The following DACH1 variants were observed in gnomAD, a reference collection of about 807,000 sequenced individuals.
The protein encoded by DACH1 is dachshund family transcription factor 1, also known as dachshund homolog 1.
In DACH1, 12 loss-of-function variants were observed where a neutral mutation model predicts 54.2. The observed-to-expected ratio is 0.22, with a 90% CI of 0.14 to 0.36. The LOEUF (loss-of-function observed/expected upper bound fraction) is 0.36, where lower values mean the gene tolerates loss of function less well. Among genes scored for constraint, DACH1 ranks in the 10% least tolerant of loss-of-function variants. The probability of loss-of-function intolerance (pLI) is 1.00; values close to 1 mark genes in which losing one functional copy is unlikely to be tolerated. For missense variants in DACH1, 805 were observed against 929.8 expected (o/e 0.87, Z 1.75); for synonymous variants, 386 against 366.2 (o/e 1.05, Z -0.62).
intron 6 of DACH1, among the ~76,000 whole-genome samples, chr13:71,499,107 A>ACG (rs757911119): frequency 2.4e-4 from 28 of 115,900 alleles, no homozygotes; most frequent in East Asian, 1.1e-3. Context: ...ACATGCGAGC[A>ACG]CGCGCACACA....
chr13:71,470,751 G>C (rs538480100), intron 10 of DACH1, among the ~76,000 whole-genome samples: 26 of 152,228 alleles, frequency 1.7e-4, no homozygotes, highest in East Asian at 3.9e-4. Flanking sequence ...CTAATTCCTC[G>C]ATGGCTGATT....
rs537213237 is a variant in DACH1, at chr13:71,849,661, C to G, written c.848+16261G>C. Among the ~76,000 whole-genome samples the G allele has an allele frequency of 9.6e-4, 146 of 152,170 alleles. 1 individual carries two copies. The highest frequency in any genetic ancestry group is 1.4e-3 in the Non-Finnish European group (95 of 68,006). On this transcript the variant is annotated intron_variant, in intron 1 of 10. Coordinates refer to ENST00000613252, the MANE Select transcript of DACH1 (RefSeq NM_080759.6). Reference sequence around the variant, plus strand: ...ATTTCCCCCCCATCTATGGATCTACCAAATAGTAATAGCTAGACACTAAGA... The same window carrying G: ...ATTTCCCCCCCATCTATGGATCTACGAAATAGTAATAGCTAGACACTAAGA...
chr13:71,793,162 C>A (rs1886904501), intron 1 of DACH1, among the ~76,000 whole-genome samples: 1 of 152,074 alleles, frequency 6.6e-6, no homozygotes. Context: ...TATAGTTAAG[C>A]AGAAATTGTG....
chr13:71,865,510 C>A (rs1335936863), intron 1 of DACH1, among the ~76,000 whole-genome samples: 1 of 152,110 alleles, frequency 6.6e-6, no homozygotes, highest in African/African-American at 2.4e-5. Flanking sequence ...GGCCGTGGAA[C>A]CCAGGTCCTG....
At chr13:71,627,870 G>T (rs1876777187) in intron 3 of DACH1, among the ~76,000 whole-genome samples, 1 of 152,058 alleles carries the variant, frequency 6.6e-6, no homozygotes, top group South Asian at 2.1e-4. Context: ...AAAGCAGGTG[G>T]AAGCAGTTGA....
At chr13:71,853,890 T>C (rs1873830792) in intron 1 of DACH1, among the ~76,000 whole-genome samples, 1 of 152,164 alleles carries the variant, frequency 6.6e-6, no homozygotes, top group Non-Finnish European at 1.5e-5. Context: ...TTGAAGTTAT[T>C]ATCGGCCCAA....
At chr13:71,445,522 A>G (rs1874374564) in intron 10 of DACH1, among the ~76,000 whole-genome samples, 1 of 152,206 alleles carries the variant, frequency 6.6e-6, no homozygotes, top group Admixed American at 6.5e-5. Context: ...CACCTGTCAC[A>G]TTCAGGTAGT....
chr13:71,773,492 G>A (rs117322502), intron 1 of DACH1, among the ~76,000 whole-genome samples: 1 of 151,970 alleles, frequency 6.6e-6, no homozygotes, highest in Non-Finnish European at 1.5e-5. Context: ...GAAATGTTTG[G>A]TAATTGTAAA....
At chr13:71,515,975 A>G (rs1464325667) in intron 6 of DACH1, among the ~76,000 whole-genome samples, 8 of 151,876 alleles carry the variant, frequency 5.3e-5, no homozygotes, top group Admixed American at 6.6e-5. Flanking sequence ...CTGCCCTCCA[A>G]CTTAAGAAAG....
intron 1 of DACH1, among the ~76,000 whole-genome samples, chr13:71,858,843 A>G (rs1166256780): frequency 2.5e-4 from 38 of 151,734 alleles, no homozygotes; most frequent in South Asian, 2.1e-4. Flanking sequence ...TGTACGGTAC[A>G]TTATTATAGA....
In DACH1 at chr13:71,816,640, ATGTGTGTATATATATACACGTG is replaced by A. The variant is rs1566519470; in HGVS notation, c.848+49260_848+49281del. ...TACACGTGTATATATACACACACAT[ATGTGTGTATATATATACACGTG>A]TATATATATACACACATATATATAT... On this transcript the variant is annotated intron_variant, in intron 1 of 10. Transcript: ENST00000613252. Among the ~76,000 whole-genome samples the A allele has an allele frequency of 3.6e-3, 92 of 25,394 alleles. No individual in the cohort carries two copies. The East Asian group carries it at 0.053, about 15-fold the overall frequency. The allele number at this position is 25,394 out of a possible 152,430, so 16.7% of individuals were successfully genotyped here. A position where few individuals can be genotyped will look rare whatever the true frequency, so the allele number is the denominator to read the frequency against.
At chr13:71,831,631 G>A (rs540472172) in intron 1 of DACH1, among the ~76,000 whole-genome samples, 159 of 151,960 alleles carry the variant, frequency 1.0e-3, no homozygotes, top group Middle Eastern at 3.4e-3. Flanking sequence ...ACAAAATCAT[G>A]ATTAATTTTC....
intron 3 of DACH1, among the ~76,000 whole-genome samples, chr13:71,587,637 T>C (rs1873379536): frequency 6.6e-6 from 1 of 152,108 alleles, no homozygotes; most frequent in Non-Finnish European, 1.5e-5. Context: ...TACCAAATCA[T>C]GTTTTACTCT....
At chr13:71,735,362 CGTATACGGGATATACGT>C (rs1378647945) in intron 1 of DACH1, among the ~76,000 whole-genome samples, 1 of 33,826 alleles carries the variant, frequency 3.0e-5, no homozygotes, top group African/African-American at 7.2e-5. Flanking sequence ...GGGATATACA[CGTATACGGGATATACGT>C]GTATATGGGA....
chr13:71,632,723 G>T (rs1384583786), intron 2 of DACH1, among the ~76,000 whole-genome samples: 1 of 151,932 alleles, frequency 6.6e-6, no homozygotes, highest in South Asian at 2.1e-4. Context: ...TCACCCCAAC[G>T]CAACAAGACC....
At chr13:71,574,245 A>G (rs575410974) in intron 3 of DACH1, among the ~76,000 whole-genome samples, 1 of 152,260 alleles carries the variant, frequency 6.6e-6, no homozygotes, top group African/African-American at 2.4e-5. Context: ...ATACCTTATT[A>G]GAACACTCCT....
intron 1 of DACH1, among the ~76,000 whole-genome samples, chr13:71,798,126 T>C (rs1887133412): frequency 6.6e-6 from 1 of 151,600 alleles, no homozygotes; most frequent in African/African-American, 2.4e-5. Flanking sequence ...GAAAAGTAAA[T>C]TAAGAAAGAA....
chr13:71,643,608 T>G (rs1878060155), intron 2 of DACH1, among the ~76,000 whole-genome samples: 1 of 152,230 alleles, frequency 6.6e-6, no homozygotes, highest in Admixed American at 6.5e-5. Flanking sequence ...GTCAAAGGTT[T>G]AATTTTGTGA....
intron 3 of DACH1, among the ~76,000 whole-genome samples, chr13:71,580,322 G>A (rs1885779667): frequency 6.6e-6 from 1 of 152,094 alleles, no homozygotes; most frequent in Non-Finnish European, 1.5e-5. Context: ...CTATTCTTCT[G>A]TTAGGTAAAC....
Sources: gnomAD v4.1 joint callset for allele counts (sites outside exome capture counted in the v4.1 genomes callset) on GRCh38, gnomAD v4.1.1 for gene constraint, MANE v1.5 for transcripts, NCBI Gene and HGNC (gene_info 2026-07-23, HGNC 2026-07-21) for gene names.